Variants in EBF3 observed in about 807,000 individuals in gnomAD.
The protein encoded by EBF3 is transcription factor COE3.
Under a neutral mutation model 77.1 loss-of-function variants are expected in EBF3, and 18 were observed. That is an observed-to-expected ratio of 0.23 (90% CI 0.16 to 0.35). The LOEUF (loss-of-function observed/expected upper bound fraction) is 0.35, where lower values mean the gene tolerates loss of function less well. EBF3 is among the 10% of genes least tolerant of loss of function. EBF3 has a pLI of 1.00. For synonymous variants in EBF3, 350 were observed against 343.5 expected, an observed-to-expected ratio of 1.02 and a Z score of -0.21; for missense variants, 558 against 860.0, an observed-to-expected ratio of 0.65 and a Z score of 4.39.
chr10:129,957,154 C>T, intron 6 of EBF3, 104 bp downstream of exon 6: 1 of 1,030,870 alleles, frequency 9.7e-7, no homozygotes, highest in Non-Finnish European at 1.5e-6. Flanking sequence ...ACAAGATGGG[C>T]TCGACACCAG....
At position 129,846,050 on chromosome 10, in the gene EBF3, A is replaced by G. The variant is rs191780879; in HGVS notation, c.1128+2342T>C. 4.7e-5 allele frequency among the ~76,000 whole-genome samples: 7 copies of G among 147,460 alleles called. No individual in the cohort carries two copies. The Admixed American group carries it at 4.8e-4, about 10-fold the overall frequency. On this transcript the variant is annotated intron_variant, in intron 11 of 16. Transcript: ENST00000440978. ...TCACTTAGAGACGTCTTCCCTTCCA[A>G]TCTCTATTTTTGCCACATGAGTGCC...
At chr10:129,953,162 A>C (rs1858796687) in intron 6 of EBF3, among the ~76,000 whole-genome samples, 1 of 149,256 alleles carries the variant, frequency 6.7e-6, no homozygotes, top group Admixed American at 6.7e-5. Flanking sequence ...GCACATATGA[A>C]TCAAAGTATG....
intron 6 of EBF3, among the ~76,000 whole-genome samples, chr10:129,889,744 A>G (rs944963): frequency 0.5 from 74,467 of 148,042 alleles, 19,843 homozygotes; most frequent in African/African-American, 0.7. Context: ...TGTTGGGTGC[A>G]GGGAGGGGAA....
intron 6 of EBF3, among the ~76,000 whole-genome samples, chr10:129,945,635 T>G (rs1205792505): frequency 6.6e-6 from 1 of 152,226 alleles, no homozygotes; most frequent in African/African-American, 2.4e-5. Context: ...CTTATCTCTG[T>G]AACATGACAG....
intron 6 of EBF3, among the ~76,000 whole-genome samples, chr10:129,948,474 C>T (rs1169350889): frequency 2.0e-5 from 3 of 152,086 alleles, no homozygotes; most frequent in African/African-American, 7.2e-5. Flanking sequence ...GTACGTGCCA[C>T]GATGCGTTTG....
In EBF3 at chr10:129,944,040, C is replaced by T. The variant is rs202064062; in HGVS notation, c.554+13218G>A. 1.6e-4 allele frequency among the ~76,000 whole-genome samples: 24 copies of T among 152,220 alleles called. No homozygotes were observed. In the East Asian group the frequency reaches 4.2e-3, roughly 27 times the overall value. The stretch of plus-strand genomic sequence containing the variant: ...TTCATCTCTAGTGTTATGTTATTAT[C>T]GCCTTTATGTTTTAATCCATTTTTT... On this transcript the variant is annotated intron_variant, in intron 6 of 16. Transcript: ENST00000440978. The surrounding 1 kb of genome is among the most constrained non-coding windows in gnomAD (Gnocchi z 5.1).
intron 6 of EBF3, among the ~76,000 whole-genome samples, chr10:129,878,054 G>C (rs545748597): frequency 1.3e-5 from 2 of 152,228 alleles, no homozygotes; most frequent in East Asian, 3.9e-4. Flanking sequence ...GCAGTGAGTT[G>C]CATTTGCCTT....
intron 7 of EBF3, among the ~76,000 whole-genome samples, chr10:129,875,473 G>A (rs956760006): frequency 2.0e-5 from 3 of 152,208 alleles, no homozygotes; most frequent in South Asian, 2.1e-4. Flanking sequence ...TGGGATGACC[G>A]GCGTGAGCCA....
At chr10:129,845,325 C>CA (rs1263968488) in intron 11 of EBF3, 1 of 152,220 alleles carries the variant, frequency 6.6e-6, no homozygotes, top group Non-Finnish European at 1.5e-5. Context: ...TTCTTAGCCA[C>CA]AACCATAAGT....
chr10:129,962,920 C>G (rs1564930788), intron 3 of EBF3, 22 bp downstream of exon 3: 1 of 1,613,086 alleles, frequency 6.2e-7, no homozygotes, highest in East Asian at 2.2e-5. Context: ...GCAGGGGCGG[C>G]GAGCACGCAG....
intron 10 of EBF3, among the ~76,000 whole-genome samples, chr10:129,852,425 A>G (rs1446169542): frequency 6.6e-6 from 1 of 152,172 alleles, no homozygotes; most frequent in Non-Finnish European, 1.5e-5. Context: ...GCTGAGCTGC[A>G]GCTGGGGCCA....
chr10:129,931,064 G>T (rs1486649471), intron 6 of EBF3, among the ~76,000 whole-genome samples: 3 of 119,136 alleles, frequency 2.5e-5, no homozygotes, highest in Admixed American at 1.7e-4. Flanking sequence ...CCATATATCT[G>T]TATCTATATC....
intron 6 of EBF3, among the ~76,000 whole-genome samples, chr10:129,933,478 G>C (rs1857163147): frequency 6.6e-6 from 1 of 152,188 alleles, no homozygotes; most frequent in Admixed American, 6.5e-5. Context: ...CAGTATAGAT[G>C]GCATTCGATT....
intron 6 of EBF3, among the ~76,000 whole-genome samples, chr10:129,948,259 CAAAAA>C (rs71481027): frequency 1.1e-4 from 5 of 45,754 alleles, no homozygotes; most frequent in Non-Finnish European, 1.6e-4. Context: ...AACTCCGTCT[CAAAAA>C]AAAAAAAAAA....
At chr10:129,893,976 A>C (rs4751142) in intron 6 of EBF3, among the ~76,000 whole-genome samples, 23,930 of 152,090 alleles carry the variant, frequency 0.16, 2,443 homozygotes, top group Admixed American at 0.26. Context: ...TGCTTCTCCT[A>C]CCCAAGCCCC....
At chr10:129,936,229 G>A (rs1055873884) in intron 6 of EBF3, among the ~76,000 whole-genome samples, 8 of 152,218 alleles carry the variant, frequency 5.3e-5, no homozygotes, top group African/African-American at 1.7e-4. Flanking sequence ...GTCAGGCCCA[G>A]GGAAGGTGAG....
At chr10:129,920,374 T>C (rs1856206774) in intron 6 of EBF3, among the ~76,000 whole-genome samples, 1 of 151,620 alleles carries the variant, frequency 6.6e-6, no homozygotes, top group Non-Finnish European at 1.5e-5. Flanking sequence ...CTAGGGCGAA[T>C]ATCTGCAGGA....
chr10:129,911,972 C>T (rs529982175), intron 6 of EBF3, among the ~76,000 whole-genome samples: 1 of 152,292 alleles, frequency 6.6e-6, no homozygotes, highest in East Asian at 1.9e-4. Flanking sequence ...AGCAAGAACA[C>T]GTGACCTCAG....
intron 6 of EBF3, among the ~76,000 whole-genome samples, chr10:129,956,906 GT>G (rs1859079097): frequency 6.6e-6 from 1 of 152,142 alleles, no homozygotes; most frequent in African/African-American, 2.4e-5. Context: ...TAAAAATAAT[GT>G]AAAAATGAAA....
Sources: gnomAD v4.1 joint callset for allele counts (sites outside exome capture counted in the v4.1 genomes callset) on GRCh38, gnomAD v4.1.1 for gene constraint, Gnocchi (gnomAD v3.1) non-coding constraint, MANE v1.5 for transcripts, NCBI Gene and HGNC (gene_info 2026-07-23, HGNC 2026-07-21) for gene names.